The following CLASP1 variants were observed in gnomAD, a reference collection of about 807,000 sequenced individuals.
The protein encoded by CLASP1 is CLIP-associating protein 1.
CLASP1 carries 38 observed loss-of-function variants against 192.3 expected under a neutral mutation model. The ratio of observed to expected loss-of-function variants is 0.20; its 90% CI spans 0.15 to 0.26. CLASP1 has a LOEUF of 0.26. Among genes scored for constraint, CLASP1 ranks in the 10% least tolerant of loss-of-function variants. The pLI is 1.00. For synonymous variants in CLASP1, 691 were observed against 712.8 expected, an observed-to-expected ratio of 0.97 and a Z score of 0.49; for missense variants, 1,433 against 1,932.5, an observed-to-expected ratio of 0.74 and a Z score of 4.85.
chr2:121,579,988 G>A (rs1356971825), intron 2 of CLASP1, among the ~76,000 whole-genome samples: 1 of 152,196 alleles, frequency 6.6e-6, no homozygotes, highest in African/African-American at 2.4e-5. Context: ...TGTAGTAAGA[G>A]ATTTTCTACA....
At chr2:121,410,172 G>A (rs1444322663) in intron 24 of CLASP1, among the ~76,000 whole-genome samples, 1 of 152,094 alleles carries the variant, frequency 6.6e-6, no homozygotes. Flanking sequence ...CAAATGCTGA[G>A]CACATAAACC....
chr2:121,553,596 T>G (rs1227115350), intron 2 of CLASP1, among the ~76,000 whole-genome samples: 4 of 151,864 alleles, frequency 2.6e-5, no homozygotes, highest in African/African-American at 9.7e-5. Flanking sequence ...AGCTACTAGG[T>G]TGGCTGAGGC....
chr2:121,576,226 A>G (rs898208390), intron 2 of CLASP1, among the ~76,000 whole-genome samples: 4 of 152,190 alleles, frequency 2.6e-5, no homozygotes, highest in Non-Finnish European at 5.9e-5. Flanking sequence ...ATATGGGGTG[A>G]GAGGTACAGA....
intron 14 of CLASP1, among the ~76,000 whole-genome samples, chr2:121,454,758 G>C (rs548152419): frequency 6.6e-6 from 1 of 152,112 alleles, no homozygotes; most frequent in Non-Finnish European, 1.5e-5. Flanking sequence ...ACAAAGATCC[G>C]TGTCATCTTA....
intron 7 of CLASP1, among the ~76,000 whole-genome samples, chr2:121,504,156 C>A (rs956625356): frequency 6.6e-6 from 1 of 151,344 alleles, no homozygotes; most frequent in Non-Finnish European, 1.5e-5. Context: ...TGCTTGAACC[C>A]GGGAGACAGA....
At chr2:121,479,068 A>G (rs2092369594) in intron 8 of CLASP1, among the ~76,000 whole-genome samples, 1 of 119,536 alleles carries the variant, frequency 8.4e-6, no homozygotes, top group African/African-American at 3.3e-5. Flanking sequence ...ACACACACAC[A>G]CACACACCAT....
intron 6 of CLASP1, among the ~76,000 whole-genome samples, chr2:121,520,896 C>T (rs1342971065): frequency 1.3e-5 from 2 of 152,176 alleles, no homozygotes; most frequent in Non-Finnish European, 2.9e-5. Flanking sequence ...CCTTAGTGTA[C>T]AGCCATCACA....
intron 19 of CLASP1, among the ~76,000 whole-genome samples, chr2:121,441,486 GA>G (rs1422716541): frequency 6.6e-6 from 1 of 152,192 alleles, no homozygotes; most frequent in Admixed American, 6.5e-5. Flanking sequence ...AGCACTTTGG[GA>G]GGCTGAGGCA....
intron 5 of CLASP1, among the ~76,000 whole-genome samples, chr2:121,526,287 A>G (rs2094571795): frequency 1.3e-5 from 2 of 152,008 alleles, no homozygotes. Context: ...CACTTGAGGG[A>G]CCTTGTTTAA....
At chr2:121,623,161 T>A (rs1335736663) in intron 1 of CLASP1, among the ~76,000 whole-genome samples, 1 of 152,214 alleles carries the variant, frequency 6.6e-6, no homozygotes, top group African/African-American at 2.4e-5. Context: ...AAGTATGATA[T>A]TAGCTGTAGG....
At chr2:121,446,087 A>G (rs923617816) in intron 19 of CLASP1, among the ~76,000 whole-genome samples, 1 of 152,216 alleles carries the variant, frequency 6.6e-6, no homozygotes, top group Admixed American at 6.5e-5. Flanking sequence ...ACGATTTTAA[A>G]AAGAGAGTTC....
At chr2:121,587,431 A>C (rs1327976399) in intron 2 of CLASP1, among the ~76,000 whole-genome samples, 1 of 151,990 alleles carries the variant, frequency 6.6e-6, no homozygotes, top group East Asian at 1.9e-4. Context: ...AATTTCCTTA[A>C]CACCTCACCT....
intron 34 of CLASP1, 49 bp downstream of exon 35, chr2:121,377,450 T>G: frequency 1.5e-6 from 2 of 1,361,884 alleles, no homozygotes; most frequent in Non-Finnish European, 2.0e-6. Context: ...AGTCTCATTA[T>G]CTGTCATTTA....
intron 8 of CLASP1, among the ~76,000 whole-genome samples, chr2:121,476,747 G>T (rs1434766569): frequency 6.6e-6 from 1 of 152,130 alleles, no homozygotes; most frequent in African/African-American, 2.4e-5. Context: ...CTGCTATCCT[G>T]ACAGGCTTTC....
intron 26 of CLASP1, chr2:121,403,408 T>C: frequency 2.2e-6 from 1 of 456,704 alleles, no homozygotes; most frequent in Non-Finnish European, 4.4e-6. Context: ...GGACAATTCC[T>C]ACGAGGAAGC....
At chr2:121,600,557 A>G (rs776347065) in intron 2 of CLASP1, among the ~76,000 whole-genome samples, 1 of 152,148 alleles carries the variant, frequency 6.6e-6, no homozygotes, top group Non-Finnish European at 1.5e-5. Context: ...AAACTAACCA[A>G]TCTTCAAAAT....
At chr2:121,616,276 G>A (rs1231608332) in intron 1 of CLASP1, among the ~76,000 whole-genome samples, 3 of 152,008 alleles carry the variant, frequency 2.0e-5, no homozygotes, top group East Asian at 3.9e-4. Context: ...GTGAAACCCC[G>A]TCTCTACTAA....
chr2:121,395,828 T>C (rs2075193815), intron 30 of CLASP1, among the ~76,000 whole-genome samples: 2 of 151,616 alleles, frequency 1.3e-5, no homozygotes, highest in African/African-American at 4.9e-5. Flanking sequence ...GGAAGGGAGG[T>C]AGGGAAGATG....
chr2:121,531,048 G>C (rs576926391), intron 2 of CLASP1: 5 of 698,000 alleles, frequency 7.2e-6, no homozygotes, highest in Non-Finnish European at 1.0e-5. Context: ...TCAAACAGCA[G>C]TAATTCGTAA....
Sources: gnomAD v4.1 joint callset for allele counts (sites outside exome capture counted in the v4.1 genomes callset) on GRCh38, gnomAD v4.1.1 for gene constraint, MANE v1.5 for transcripts, NCBI Gene and HGNC (gene_info 2026-07-23, HGNC 2026-07-21) for gene names.